Variants in MCF2L2 observed in about 807,000 individuals in gnomAD.
MCF2L2 encodes the protein MCF.2 cell line derived transforming sequence-like 2.
A neutral mutation model predicts 150.2 loss-of-function variants in MCF2L2; 102 were observed. The ratio of observed to expected loss-of-function variants is 0.68; its 90% CI spans 0.58 to 0.80. MCF2L2 has a LOEUF of 0.80. MCF2L2 is among the 30% of genes least tolerant of loss of function. The pLI is 0.00. For missense variants in MCF2L2, 1,256 were observed against 1,372.8 expected (o/e 0.91, Z 1.34); for synonymous variants, 465 against 491.3 (o/e 0.95, Z 0.71).
At chr3:183,337,321 C>A (rs1730523493) in intron 5 of MCF2L2, among the ~76,000 whole-genome samples, 1 of 152,072 alleles carries the variant, frequency 6.6e-6, no homozygotes, top group African/African-American at 2.4e-5. Flanking sequence ...CTTTGGGAGG[C>A]TGAAGCGGGT....
chr3:183,414,548 C>G (rs1323778175), intron 1 of MCF2L2, among the ~76,000 whole-genome samples: 4 of 152,130 alleles, frequency 2.6e-5, no homozygotes, highest in Admixed American at 6.5e-5. Context: ...CTTTTCTACT[C>G]TACATTTCAT....
intron 11 of MCF2L2, chr3:183,297,924 G>A (rs17215158): frequency 0.28 from 42,217 of 152,084 alleles, 6,334 homozygotes; most frequent in Non-Finnish European, 0.33. Flanking sequence ...TCTTGCATCC[G>A]AATTGGTTAC....
At chr3:183,206,543 G>A (rs980341173) in intron 23 of MCF2L2, among the ~76,000 whole-genome samples, 1 of 152,184 alleles carries the variant, frequency 6.6e-6, no homozygotes, top group Admixed American at 6.5e-5. Context: ...AATAGTAACT[G>A]AATAAGGATC....
chr3:183,220,292 A>G (rs1723100986), intron 20 of MCF2L2, among the ~76,000 whole-genome samples: 1 of 152,188 alleles, frequency 6.6e-6, no homozygotes, highest in Non-Finnish European at 1.5e-5. Context: ...CCATGATATT[A>G]TGTTTTTCTA....
intron 1 of MCF2L2, among the ~76,000 whole-genome samples, chr3:183,425,204 G>C (rs1716098614): frequency 1.3e-5 from 2 of 152,136 alleles, no homozygotes; most frequent in South Asian, 2.1e-4. Context: ...TTCTGAAACT[G>C]AATCAACAGC....
chr3:183,215,862 T>A, intron 22 of MCF2L2, 107 bp downstream of exon 22: 1 of 1,361,030 alleles, frequency 7.3e-7, no homozygotes, highest in Non-Finnish European at 9.8e-7. Flanking sequence ...CAGAGTCCAA[T>A]TCCTTTACCA....
intron 27 of MCF2L2, among the ~76,000 whole-genome samples, chr3:183,191,121 CCA>C (rs1485563766): frequency 2.0e-5 from 3 of 152,158 alleles, no homozygotes; most frequent in Admixed American, 1.3e-4. Context: ...GGTGATCCGC[CCA>C]CCTCGGCCTC....
At chr3:183,205,401 A>C (rs920976819) in intron 25 of MCF2L2, among the ~76,000 whole-genome samples, 4 of 152,198 alleles carry the variant, frequency 2.6e-5, no homozygotes, top group African/African-American at 7.2e-5. Flanking sequence ...AACAAAAAAC[A>C]AAAGTAAGAA....
intron 23 of MCF2L2, among the ~76,000 whole-genome samples, chr3:183,206,975 G>A (rs9851679): frequency 0.097 from 1,182 of 12,178 alleles, 26 homozygotes; most frequent in Middle Eastern, 0.22. Context: ...GGAAGGAAGG[G>A]AGGGAGGGAG....
chr3:183,418,275 GATCCAATCACCTCCCA>G lies in MCF2L2; in HGVS notation c.76+9611_76+9626del, dbSNP rs566217005. Among the ~76,000 whole-genome samples the G allele has an allele frequency of 7.7e-3, 1,175 of 152,260 alleles. 9 individuals carry two copies. The highest frequency in any genetic ancestry group is 0.014 in the Non-Finnish European group (929 of 68,022). On this transcript the variant is annotated intron_variant, in intron 1 of 29. Coordinates refer to ENST00000328913, the MANE Select transcript of MCF2L2 (RefSeq NM_015078.4). ...ACAGCATGGAGGAAACCACCCCCAT[GATCCAATCACCTCCCA>G]GGAGGTCCCTCCCTCAACATGTGGG...
intron 2 of MCF2L2, among the ~76,000 whole-genome samples, chr3:183,387,931 C>CAAAAA (rs61024469): frequency 2.8e-4 from 20 of 72,328 alleles, no homozygotes; most frequent in Admixed American, 6.6e-4. Context: ...GACTCCATCT[C>CAAAAA]AAAAAAAAAA....
rs147189291 is a variant in MCF2L2 at position 183,233,279 on chromosome 3, G to A, written c.1863-2262C>T. Among the ~76,000 whole-genome samples the A allele has an allele frequency of 3.1e-4, 47 of 150,998 alleles. No homozygotes were observed. The East Asian group carries it at 9.2e-3, about 29-fold the overall frequency. On this transcript the variant is annotated intron_variant, in intron 15 of 29. Transcript: ENST00000328913. Reference sequence around the variant, plus strand: ...ACGCAGGATAATTACTCGAACCCAGGAGGTGGAGATTGCAGTGAGCCGAGA... The same window carrying A: ...ACGCAGGATAATTACTCGAACCCAGAAGGTGGAGATTGCAGTGAGCCGAGA...
chr3:183,341,614 T>C lies in MCF2L2; in HGVS notation c.292A>G (p.Ile98Val), dbSNP rs750159502. Reference sequence around the variant, plus strand: ...CTGTCGATAACAACAATGAATCCAATGCTGGCAGCCTCCACACTGCAAAGA... The same window carrying C: ...CTGTCGATAACAACAATGAATCCAACGCTGGCAGCCTCCACACTGCAAAGA... Reference protein sequence around the residue: ...TSIPSVEAASIGFIVVIDRRR... With the variant: ...TSIPSVEAASVGFIVVIDRRR... The change falls in exon 4 of 30, where the codon ATT (isoleucine) becomes GTT (valine). Residue 98 changes from isoleucine to valine, a missense_variant. Transcript: ENST00000328913. 6.2e-7 allele frequency: 1 copy of C among 1,613,954 alleles called. No individual in the cohort carries two copies. The highest frequency in any genetic ancestry group is 1.1e-5 in the South Asian group (1 of 91,090).
intron 3 of MCF2L2, among the ~76,000 whole-genome samples, chr3:183,364,335 T>A: frequency 6.6e-6 from 1 of 151,324 alleles, no homozygotes; most frequent in Non-Finnish European, 1.5e-5. Flanking sequence ...GCTAACACGG[T>A]GAAACCCCGT....
intron 21 of MCF2L2, among the ~76,000 whole-genome samples, chr3:183,216,574 ATATATATTTTTTTTTTTTTTTTTTTT>A (rs557727710): frequency 0.54 from 29,190 of 54,196 alleles, 5,061 homozygotes; most frequent in East Asian, 0.65. Context: ...ATATATATAT[ATATATATTTTTTTTTTTTTTTTTTTT>A]TTTTTTTTTT....
Position 183,219,844 on chromosome 3 carries a change from A to T in MCF2L2, c.2370+12T>A. 6.4e-7 allele frequency: 1 copy of T among 1,561,808 alleles called. No homozygotes were observed. The highest frequency in any genetic ancestry group is 8.8e-7 in the Non-Finnish European group (1 of 1,132,740). On this transcript the variant is annotated intron_variant, in intron 21 of 29. Coordinates refer to ENST00000328913, the MANE Select transcript of MCF2L2 (RefSeq NM_015078.4). The stretch of plus-strand genomic sequence containing the variant: ...GTTAGTTATATAAAATGTAATATTT[A>T]ATATTGAGTACCTTAGCCGAGCCTC...
chr3:183,321,455 A>G (rs995805367), intron 6 of MCF2L2, among the ~76,000 whole-genome samples: 24 of 148,292 alleles, frequency 1.6e-4, no homozygotes, highest in African/African-American at 5.8e-4. Context: ...AAAAAAAAAG[A>G]AAGAAAGAAA....
At chr3:183,405,614 T>G (rs1444618383) in intron 1 of MCF2L2, among the ~76,000 whole-genome samples, 4 of 152,240 alleles carry the variant, frequency 2.6e-5, no homozygotes, top group Admixed American at 6.5e-5. Context: ...TGTATTCATA[T>G]TATCATCTGT....
chr3:183,276,657 T>A (rs1727166897), intron 15 of MCF2L2: 2 of 439,388 alleles, frequency 4.6e-6, no homozygotes, highest in Non-Finnish European at 8.1e-6. Flanking sequence ...TTCTTAGAAG[T>A]TTGGTTTCTA....
Sources: gnomAD v4.1 joint callset for allele counts (sites outside exome capture counted in the v4.1 genomes callset) on GRCh38, gnomAD v4.1.1 for gene constraint, MANE v1.5 for transcripts, NCBI Gene and HGNC (gene_info 2026-07-23, HGNC 2026-07-21) for gene names.